Variants in IGSF10 observed in about 807,000 individuals in gnomAD.
IGSF10 encodes calvaria mechanical force protein 608.
IGSF10 carries 126 observed loss-of-function variants against 128.2 expected under a neutral mutation model. The ratio of observed to expected loss-of-function variants is 0.98; its 90% CI spans 0.85 to 1.14. The LOEUF (loss-of-function observed/expected upper bound fraction) is 1.14. Ranked by LOEUF, IGSF10 falls within the 50% of genes most tolerant of loss-of-function variation. The probability of loss-of-function intolerance (pLI) is 0.00; values close to 1 mark genes in which losing one functional copy is unlikely to be tolerated. For missense variants in IGSF10, 3,295 were observed against 3,149.8 expected, an observed-to-expected ratio of 1.05 and a Z score of -1.10; for synonymous variants, 1,185 against 1,146.2, an observed-to-expected ratio of 1.03 and a Z score of -0.68.
Position 151,447,329 on chromosome 3 carries a change from G to A in IGSF10, c.2652C>T (p.Gly884=). The A allele has an allele frequency of 1.9e-6, 3 of 1,614,206 alleles. No individual in the cohort carries two copies. Among genetic ancestry groups the A allele is most frequent in the Non-Finnish European group, 2.5e-6 (3 of 1,180,050 alleles). ...CAGTGGATGAATGTTGATTGGTTGT[G>A]CCTTGTATTTGGCTTGACATGGTTG... ...INPTMSSQIQ[G]TTNQHSSTVF... Residue 884 remains glycine, a synonymous_variant, in exon 6 of 8, where the codon GGC becomes GGT. Coordinates refer to ENST00000282466, the MANE Select transcript of IGSF10 (RefSeq NM_178822.5).
At chr3:151,568,604 G>A in the IGSF10 span, among the ~76,000 whole-genome samples, 1 of 152,184 alleles carries the variant, frequency 6.6e-6, no homozygotes. Flanking sequence ...CACATAGCAT[G>A]TCTGTCAGAA....
chr3:151,543,962 T>A, the IGSF10 span, among the ~76,000 whole-genome samples: 1 of 152,184 alleles, frequency 6.6e-6, no homozygotes, highest in Non-Finnish European at 1.5e-5. Flanking sequence ...CAGGCTGGAG[T>A]GCAGTGGCAC....
chr3:151,463,075 C>T (rs920788740), upstream of IGSF10, among the ~76,000 whole-genome samples: 7 of 152,170 alleles, frequency 4.6e-5, no homozygotes, highest in African/African-American at 1.4e-4. Flanking sequence ...TTTTCCTAGG[C>T]TTGTTACCTG....
chr3:151,456,999 C>T (rs755269766), intron 4 of IGSF10, 27 bp downstream of exon 4: 2 of 1,613,818 alleles, frequency 1.2e-6, no homozygotes, highest in African/African-American at 2.7e-5. Context: ...ACCTCTTTAA[C>T]CTGCCCCCTC....
chr3:151,511,822 G>T, the IGSF10 span, among the ~76,000 whole-genome samples: 5 of 152,026 alleles, frequency 3.3e-5, no homozygotes, highest in South Asian at 2.1e-4. Context: ...TCCTAGTCTC[G>T]GATAAAACAG....
the IGSF10 span, among the ~76,000 whole-genome samples, chr3:151,472,562 A>T: frequency 6.6e-6 from 1 of 152,112 alleles, no homozygotes; most frequent in Non-Finnish European, 1.5e-5. Flanking sequence ...AACTGAATCA[A>T]TTGGGTTGCC....
the IGSF10 span, among the ~76,000 whole-genome samples, chr3:151,519,755 C>T: frequency 6.6e-6 from 1 of 151,888 alleles, no homozygotes; most frequent in East Asian, 1.9e-4. Context: ...TTGATTGCTA[C>T]TGTACTGTGA....
chr3:151,459,188 T>C (rs1229824208), intron 2 of IGSF10, among the ~76,000 whole-genome samples: 1 of 152,198 alleles, frequency 6.6e-6, no homozygotes, highest in Non-Finnish European at 1.5e-5. Context: ...ATCTCACCAC[T>C]TATATAATCC....
the IGSF10 span, among the ~76,000 whole-genome samples, chr3:151,535,994 T>C: frequency 6.6e-6 from 1 of 152,268 alleles, no homozygotes; most frequent in African/African-American, 2.4e-5. Flanking sequence ...CAGACTTTCA[T>C]ATGTTTGCAG....
chr3:151,527,251 A>G, the IGSF10 span, among the ~76,000 whole-genome samples: 69,515 of 151,994 alleles, frequency 0.46, 16,437 homozygotes, highest in African/African-American at 0.56. Flanking sequence ...ATAGGCCCAT[A>G]CCACACCAGC....
the IGSF10 span, among the ~76,000 whole-genome samples, chr3:151,614,384 C>A: frequency 5.3e-5 from 8 of 152,122 alleles, no homozygotes; most frequent in Non-Finnish European, 8.8e-5. Context: ...ATGTTTATAG[C>A]GGCACTATTC....
At chr3:151,485,686 G>A in the IGSF10 span, among the ~76,000 whole-genome samples, 6 of 152,074 alleles carry the variant, frequency 3.9e-5, no homozygotes, top group African/African-American at 1.2e-4. Flanking sequence ...CCAGAATTTC[G>A]TATCCAACAA....
At chr3:151,451,495 G>A (rs879940357) in intron 5 of IGSF10, among the ~76,000 whole-genome samples, 2 of 152,180 alleles carry the variant, frequency 1.3e-5, no homozygotes. Flanking sequence ...TCAGCAGAAG[G>A]AAGAAAGGCA....
At chr3:151,513,219 A>G in the IGSF10 span, among the ~76,000 whole-genome samples, 1 of 152,204 alleles carries the variant, frequency 6.6e-6, no homozygotes, top group Non-Finnish European at 1.5e-5. Flanking sequence ...ATCCTCAATA[A>G]AACACTGGCA....
the IGSF10 span, among the ~76,000 whole-genome samples, chr3:151,533,387 ACT>A: frequency 2.0e-5 from 3 of 151,382 alleles, no homozygotes; most frequent in Non-Finnish European, 4.4e-5. Context: ...TGGAGGCATC[ACT>A]CTGACTTCAA....
At chr3:151,440,268 G>A (rs766557950) in intron 7 of IGSF10, among the ~76,000 whole-genome samples, 5 of 152,076 alleles carry the variant, frequency 3.3e-5, no homozygotes, top group African/African-American at 4.8e-5. Flanking sequence ...GGGTTCCAGC[G>A]ATCCTCCCGC....
rs1412147179 is a variant in IGSF10 at position 151,436,883 on chromosome 3, T to C, written c.7678A>G (p.Ile2560Val). ...CVALGVPKPEITWEMPDHSLL... is the reference protein window; with the variant it reads ...CVALGVPKPEVTWEMPDHSLL... ...GAGTGGTCAGGCATCTCCCATGTGA[T>C]TTCTGGCTTGGGAACTCCCAAGGCC... Residue 2560 changes from isoleucine (I) to valine (V), a missense_variant, in exon 8 of 8, where the codon ATC becomes GTC. Ile to Val is a conservative substitution (Grantham distance 29, BLOSUM62 3). Transcript: ENST00000282466. 1 of 1,614,166 alleles carries C rather than the reference T, an allele frequency of 6.2e-7. No homozygotes were observed. The highest frequency in any genetic ancestry group is 1.1e-5 in the South Asian group (1 of 91,078).
At chr3:151,551,036 C>T in the IGSF10 span, among the ~76,000 whole-genome samples, 3 of 152,028 alleles carry the variant, frequency 2.0e-5, no homozygotes, top group Non-Finnish European at 4.4e-5. Context: ...TCAGTGTGGC[C>T]CCTGAAAACC....
chr3:151,445,374 A>C lies in IGSF10; in HGVS notation c.4607T>G (p.Ile1536Ser), dbSNP rs138084379. 1 of 1,614,084 alleles carries C rather than the reference A, an allele frequency of 6.2e-7. No individual in the cohort carries two copies. The highest frequency in any genetic ancestry group is 1.3e-5 in the African/African-American group (1 of 74,926). ...PKVHPNAKFT[I>S]GTTHFIYSNL... ...AGAGTAGATGAAGTGAGTGGTTCCA[A>C]TTGTGAACTTGGCATTTGGGTGAAC... Residue 1536 changes from isoleucine (I) to serine (S), a missense_variant, in exon 6 of 8, where the codon ATT becomes AGT. Transcript: ENST00000282466.
Sources: allele counts gnomAD v4.1 joint callset (sites outside exome capture counted in the v4.1 genomes callset), GRCh38; gene constraint gnomAD v4.1.1; transcripts MANE v1.5; gene names NCBI Gene and HGNC (gene_info 2026-07-23, HGNC 2026-07-21).